Variants in MC4R observed in about 807,000 individuals in gnomAD.
MC4R encodes melanocortin receptor 4.
MC4R carries 15 observed loss-of-function variants against 16.1 expected under a neutral mutation model. That is an observed-to-expected ratio of 0.93 (90% CI 0.62 to 1.44). The LOEUF (loss-of-function observed/expected upper bound fraction) is 1.44, where lower values mean the gene tolerates loss of function less well. MC4R is among the 40% of genes most tolerant of loss of function. The pLI, the probability that MC4R is intolerant of heterozygous loss-of-function variation, is 0.00. For missense variants in MC4R, 416 were observed against 411.4 expected, an observed-to-expected ratio of 1.01 and a Z score of -0.10; for synonymous variants, 162 against 151.7, an observed-to-expected ratio of 1.07 and a Z score of -0.50.
rs13447332 is a variant in MC4R, at chr18:60,371,857, G to A, written c.493C>T (p.Arg165Trp). The A allele has an allele frequency of 3.5e-5, 56 of 1,613,958 alleles. No homozygotes were observed. Among genetic ancestry groups the A allele is most frequent in the Middle Eastern group, 1.6e-4 (1 of 6,084 alleles). Residue 165 changes from arginine (R) to tryptophan (W), a missense_variant, in exon 1 of 1, where the codon CGG becomes TGG. Arg to Trp is a moderately radical substitution (Grantham distance 101, BLOSUM62 -3). Coordinates refer to ENST00000299766, the MANE Select transcript of MC4R (RefSeq NM_005912.3). ...ATACAACTTATGATGATCCCAACCCGCTTAACTGTCATAATGTTATGGTAC... is the reference window on the plus strand; with the variant it reads ...ATACAACTTATGATGATCCCAACCCACTTAACTGTCATAATGTTATGGTAC... ...LQYHNIMTVK[R>W]VGIIISCIWA...
chr18:60,371,814 A>G lies in MC4R; in HGVS notation c.536T>C (p.Val179Ala), dbSNP rs1466456688. The change falls in exon 1 of 1, where the codon GTT (valine) becomes GCT (alanine). Residue 179 changes from valine (V) to alanine (A), a missense_variant. Physicochemically the swap from Val to Ala is moderately conservative, Grantham distance 64. Transcript: ENST00000299766. ...GTAAATGATGAACAAAATGCCTGAA[A>G]CCGTGCAAGCTGCCCAGATACAACT... ...IISCIWAACT[V>A]SGILFIIYSD... 1.2e-6 allele frequency: 2 copies of G among 1,614,036 alleles called. No homozygotes were observed. The highest frequency in any genetic ancestry group is 2.2e-5 in the East Asian group (1 of 44,894).
Position 60,371,953 on chromosome 18 carries a change from A to G in MC4R, c.397T>C (p.Leu133=), listed in dbSNP as rs780913404. The change falls in exon 1 of 1, where the codon TTG becomes CTG. Residue 133 remains leucine, a synonymous_variant. Transcript: ENST00000299766. ...AGCAGGCTGCAAATGGATGCAAGCA[A>G]GGAGCTACAGATCACCGAGTCAATG... ...NVIDSVICSS[L]LASICSLLSI... 1.2e-6 allele frequency: 2 copies of G among 1,614,176 alleles called. No homozygotes were observed.
Position 60,371,947 on chromosome 18 carries a change from C to A in MC4R, c.403G>T (p.Ala135Ser). Reference protein sequence around the residue: ...IDSVICSSLLASICSLLSIAV... With the variant: ...IDSVICSSLLSSICSLLSIAV... ...ATTGAAAGCAGGCTGCAAATGGATG[C>A]AAGCAAGGAGCTACAGATCACCGAG... Residue 135 changes from alanine to serine, a missense_variant, in exon 1 of 1, where the codon GCA becomes TCA. Physicochemically the swap from Ala to Ser is moderately conservative, Grantham distance 99. Transcript: ENST00000299766. The A allele has an allele frequency of 6.2e-7, 1 of 1,614,060 alleles. No homozygotes were observed. Among genetic ancestry groups the A allele is most frequent in the South Asian group, 1.1e-5 (1 of 91,080 alleles).
In MC4R at chr18:60,371,623, C is replaced by T. The variant is rs868309222; in HGVS notation, c.727G>A (p.Gly243Arg). 6.2e-7 allele frequency: 1 copy of T among 1,614,196 alleles called. No homozygotes were observed. The highest frequency in any genetic ancestry group is 1.7e-5 in the Admixed American group (1 of 60,030). Residue 243 changes from glycine (G) to arginine (R), a missense_variant, in exon 1 of 1, where the codon GGA (glycine) becomes AGA (arginine). By Grantham distance (125) the Gly-to-Arg change is moderately radical. Transcript: ENST00000299766. Reference protein sequence around the residue: ...GAIRQGANMKGAITLTILIGV... With the variant: ...GAIRQGANMKRAITLTILIGV... ...ATCAGGATGGTCAAGGTAATCGCTC[C>T]CTTCATATTGGCACCTTGGCGGATG...
chr18:60,371,305 A>G lies in MC4R; in HGVS notation c.*46T>C. On this transcript the variant is annotated 3_prime_UTR_variant, in exon 1 of 1. Coordinates refer to ENST00000299766, the MANE Select transcript of MC4R (RefSeq NM_005912.3). The stretch of plus-strand genomic sequence containing the variant: ...ACAATATTCAGGTAGGGTAAGAGTG[A>G]AAAAGTCTCTTATGCATGTTCCTAT... 1 of 1,601,100 alleles carries G rather than the reference A, an allele frequency of 6.2e-7. No individual in the cohort carries two copies. The highest frequency in any genetic ancestry group is 8.6e-7 in the Non-Finnish European group (1 of 1,169,342).
At position 60,371,301 on chromosome 18, in the gene MC4R, A is replaced by T; in HGVS notation, c.*50T>A. The T allele has an allele frequency of 6.3e-7, 1 of 1,576,034 alleles. No homozygotes were observed. Among genetic ancestry groups the T allele is most frequent in the Non-Finnish European group, 8.7e-7 (1 of 1,146,884 alleles). The stretch of plus-strand genomic sequence containing the variant: ...AAGTACAATATTCAGGTAGGGTAAG[A>T]GTGAAAAAGTCTCTTATGCATGTTC... On this transcript the variant is annotated 3_prime_UTR_variant, in exon 1 of 1. Transcript: ENST00000299766.
chr18:60,371,177 C>T lies in MC4R; in HGVS notation c.*174G>A. The stretch of plus-strand genomic sequence containing the variant: ...AAGTAGCATGACATTGGAAATAATA[C>T]AGAGACTGGGCATTTTTTCTCATTA... On this transcript the variant is annotated 3_prime_UTR_variant, in exon 1 of 1. Coordinates refer to ENST00000299766, the MANE Select transcript of MC4R (RefSeq NM_005912.3). The T allele has an allele frequency of 1.5e-6, 1 of 681,796 alleles. No individual in the cohort carries two copies. Among genetic ancestry groups the T allele is most frequent in the South Asian group, 1.8e-5 (1 of 55,564 alleles). 42.2% of individuals were successfully genotyped at this position (681,796 alleles called of 1,614,324 possible). A position where few individuals can be genotyped will look rare whatever the true frequency, so the allele number is the denominator to read the frequency against.
chr18:60,372,144 A>G lies in MC4R; in HGVS notation c.206T>C (p.Ile69Thr), dbSNP rs751160202. Reference protein sequence around the residue: ...LLENILVIVAIAKNKNLHSPM... With the variant: ...LLENILVIVATAKNKNLHSPM... Reference sequence around the variant, plus strand: ...TGAATGCAGATTCTTGTTCTTGGCTATTGCCACAATCACTAAGATATTCTC... The same window carrying G: ...TGAATGCAGATTCTTGTTCTTGGCTGTTGCCACAATCACTAAGATATTCTC... Residue 69 changes from isoleucine (I) to threonine (T), a missense_variant, in exon 1 of 1, where the codon ATA becomes ACA. Coordinates refer to ENST00000299766, the MANE Select transcript of MC4R (RefSeq NM_005912.3). 2.8e-5 allele frequency: 45 copies of G among 1,614,244 alleles called. No individual in the cohort carries two copies. The highest frequency in any genetic ancestry group is 3.6e-5 in the Non-Finnish European group (43 of 1,180,040).
At position 60,372,358 on chromosome 18, in the gene MC4R, G is replaced by A. The variant is rs1450259856; in HGVS notation, c.-9C>T. 6.2e-7 allele frequency: 1 copy of A among 1,613,734 alleles called. No individual in the cohort carries two copies. Among genetic ancestry groups the A allele is most frequent in the African/African-American group, 1.3e-5 (1 of 74,938 alleles). ...TGGGTGGAGTTCACCATGCTGGCAG[G>A]AGAATTCCAGTGTCCCCCTGAATTG... On this transcript the variant is annotated 5_prime_UTR_variant, in exon 1 of 1. Coordinates refer to ENST00000299766, the MANE Select transcript of MC4R (RefSeq NM_005912.3).
rs1205803684 is a variant in MC4R at position 60,371,942 on chromosome 18, G to A, written c.408C>T (p.Ser136=). ...CTGCAATTGAAAGCAGGCTGCAAAT[G>A]GATGCAAGCAAGGAGCTACAGATCA... ...DSVICSSLLA[S]ICSLLSIAVD... The change falls in exon 1 of 1, where the codon TCC becomes TCT. Residue 136 remains serine (S), a synonymous_variant. Transcript: ENST00000299766. 1 of 1,614,118 alleles carries A rather than the reference G, an allele frequency of 6.2e-7. No homozygotes were observed. Among genetic ancestry groups the A allele is most frequent in the South Asian group, 1.1e-5 (1 of 91,086 alleles).
chr18:60,372,469 G>A lies in MC4R; in HGVS notation c.-120C>T. 9.3e-7 allele frequency: 1 copy of A among 1,073,292 alleles called. No individual in the cohort carries two copies. Among genetic ancestry groups the A allele is most frequent in the Non-Finnish European group, 1.4e-6 (1 of 712,850 alleles). 66.5% of individuals were successfully genotyped at this position (1,073,292 alleles called of 1,614,324 possible). Reference sequence around the variant, plus strand: ...AAAGTTGTGAGGCTAAAATTGCCATGCCTGCTGTGAGTAAATGTCACAAGT... The same window carrying A: ...AAAGTTGTGAGGCTAAAATTGCCATACCTGCTGTGAGTAAATGTCACAAGT... On this transcript the variant is annotated 5_prime_UTR_variant, in exon 1 of 1. Coordinates refer to ENST00000299766, the MANE Select transcript of MC4R (RefSeq NM_005912.3).
Position 60,371,364 on chromosome 18 carries a change from G to A in MC4R, c.986C>T (p.Ser329Phe), listed in dbSNP as rs763327351. ...CYPLGGLCDL[S>F]SRY The stretch of plus-strand genomic sequence containing the variant: ...CTCTGTCCCCATTTAATATCTGCTA[G>A]ACAAGTCACAAAGGCCTCCCAGGGG... Residue 329 changes from serine to phenylalanine, a missense_variant, in exon 1 of 1, where the codon TCT becomes TTT. Physicochemically the swap from Ser to Phe is radical, Grantham distance 155 (BLOSUM62 -2). Transcript: ENST00000299766. 2 of 1,613,998 alleles carry A rather than the reference G, an allele frequency of 1.2e-6. No homozygotes were observed. Among genetic ancestry groups the A allele is most frequent in the East Asian group, 4.5e-5 (2 of 44,892 alleles).
chr18:60,372,647 A>G lies in MC4R; in HGVS notation c.-298T>C. On this transcript the variant is annotated 5_prime_UTR_variant, in exon 1 of 1. The change abolishes an upstream ATG in the 5' untranslated region. Transcript: ENST00000299766. ...TTCTGCTTTAACTTTAATCTTATGC[A>G]TTCAAGTCTGTTCAAAATAATTTTC... The G allele has an allele frequency of 2.3e-6, 1 of 440,926 alleles. No individual in the cohort carries two copies. The highest frequency in any genetic ancestry group is 4.4e-6 in the Non-Finnish European group (1 of 228,792). 27.3% of individuals were successfully genotyped at this position (440,926 alleles called of 1,614,324 possible). A position where few individuals can be genotyped will look rare whatever the true frequency, so the allele number is the denominator to read the frequency against.
At position 60,371,199 on chromosome 18, in the gene MC4R, AT is replaced by A; in HGVS notation, c.*151del. ...ATACAGAGACTGGGCATTTTTTCTC[AT>A]TAAAAATCATAGGCTTAAATTTACA... On this transcript the variant is annotated 3_prime_UTR_variant, in exon 1 of 1. Transcript: ENST00000299766. 3.6e-6 allele frequency: 3 copies of A among 830,698 alleles called. No homozygotes were observed. In the South Asian group the frequency reaches 4.7e-5, roughly 13 times the overall value. The allele number at this position is 830,698 out of a possible 1,614,324, so 51.5% of individuals were successfully genotyped here.
At position 60,372,315 on chromosome 18, in the gene MC4R, G is replaced by T; in HGVS notation, c.35C>A (p.Ser12Tyr). 6.2e-7 allele frequency: 1 copy of T among 1,614,212 alleles called. No individual in the cohort carries two copies. The highest frequency in any genetic ancestry group is 1.3e-5 in the African/African-American group (1 of 75,062). Residue 12 changes from serine to tyrosine, a missense_variant, in exon 1 of 1, where the codon TCT (serine) becomes TAT (tyrosine). Physicochemically the swap from Ser to Tyr is moderately radical, Grantham distance 144 (BLOSUM62 -2). Coordinates refer to ENST00000299766, the MANE Select transcript of MC4R (RefSeq NM_005912.3). ...VNSTHRGMHT[S>Y]LHLWNRSSYR... ...ACTGCTGCGGTTCCAGAGGTGCAGA[G>T]AAGTGTGCATCCCACGGTGGGTGGA...
rs1322814784 is a variant in MC4R, at chr18:60,372,234, C to T, written c.116G>A (p.Gly39Glu). ...ESLGKGYSDG[G>E]CYEQLFVSPE... The stretch of plus-strand genomic sequence containing the variant: ...AGAGACAAAAAGTTGCTCGTAGCAC[C>T]CTCCATCAGAGTAGCCTTTTCCAAG... The change falls in exon 1 of 1, where the codon GGG becomes GAG. Residue 39 changes from glycine to glutamate, a missense_variant. Physicochemically the swap from Gly to Glu is moderately conservative, Grantham distance 98. Transcript: ENST00000299766. 1 of 1,614,076 alleles carries T rather than the reference C, an allele frequency of 6.2e-7. No individual in the cohort carries two copies. Among genetic ancestry groups the T allele is most frequent in the East Asian group, 2.2e-5 (1 of 44,892 alleles).
chr18:60,371,987 A>T lies in MC4R; in HGVS notation c.363T>A (p.Ile121=). ...AGATCACCGAGTCAATGACATTATCAATATTCACTGTGAAACTCTGTGCAT... is the reference window on the plus strand; with the variant it reads ...AGATCACCGAGTCAATGACATTATCTATATTCACTGTGAAACTCTGTGCAT... The part of the protein sequence containing the change: ...DTDAQSFTVN[I]DNVIDSVICS... Residue 121 remains isoleucine, a synonymous_variant, in exon 1 of 1, where the codon ATT becomes ATA. Coordinates refer to ENST00000299766, the MANE Select transcript of MC4R (RefSeq NM_005912.3). 1 of 1,614,200 alleles carries T rather than the reference A, an allele frequency of 6.2e-7. No individual in the cohort carries two copies. Among genetic ancestry groups the T allele is most frequent in the Non-Finnish European group, 8.5e-7 (1 of 1,180,042 alleles).
chr18:60,371,843 G>A lies in MC4R; in HGVS notation c.507C>T (p.Ile169=). The part of the protein sequence containing the change: ...NIMTVKRVGI[I]ISCIWAACTV... ...TGCAAGCTGCCCAGATACAACTTAT[G>A]ATGATCCCAACCCGCTTAACTGTCA... The change falls in exon 1 of 1, where the codon ATC becomes ATT. Residue 169 remains isoleucine, a synonymous_variant. Transcript: ENST00000299766. 6.2e-7 allele frequency: 1 copy of A among 1,614,148 alleles called. No homozygotes were observed. Among genetic ancestry groups the A allele is most frequent in the South Asian group, 1.1e-5 (1 of 91,082 alleles).
At position 60,371,486 on chromosome 18, in the gene MC4R, G is replaced by A; in HGVS notation, c.864C>T (p.Leu288=). ...VCFMSHFNLY[L]ILIMCNSIID... is the part of the protein sequence containing the mutation. ...TGATTGAATTACACATGATCAGTAT[G>A]AGATACAAGTTAAAGTGAGACATGA... Residue 288 remains leucine, a synonymous_variant, in exon 1 of 1, where the codon CTC becomes CTT. Coordinates refer to ENST00000299766, the MANE Select transcript of MC4R (RefSeq NM_005912.3). The A allele has an allele frequency of 6.2e-7, 1 of 1,614,194 alleles. No homozygotes were observed. Among genetic ancestry groups the A allele is most frequent in the Non-Finnish European group, 8.5e-7 (1 of 1,180,026 alleles).
Sources: gnomAD v4.1 joint callset for allele counts on GRCh38, gnomAD v4.1.1 for gene constraint, MANE v1.5 for transcripts, NCBI Gene and HGNC (gene_info 2026-07-23, HGNC 2026-07-21) for gene names.